ANO10: variants seen among roughly 807,000 people sequenced by gnomAD.
ANO10 encodes anoctamin-10.
ANO10 carries 77 observed loss-of-function variants against 74.7 expected under a neutral mutation model. That is an observed-to-expected ratio of 1.03 (90% CI 0.86 to 1.25). ANO10 has a LOEUF of 1.25. Among genes scored for constraint, ANO10 ranks in the 50% most tolerant of loss-of-function variants. ANO10 has a pLI of 0.00. For missense variants in ANO10, 721 were observed against 778.1 expected (o/e 0.93, Z 0.87); for synonymous variants, 279 against 284.9 (o/e 0.98, Z 0.21).
At chr3:43,439,437 T>C (rs1031319970) in intron 11 of ANO10, among the ~76,000 whole-genome samples, 11 of 149,722 alleles carry the variant, frequency 7.3e-5, no homozygotes, top group African/African-American at 2.7e-4. Flanking sequence ...CACAACAGCA[T>C]AAGAAAAAAT....
chr3:43,585,763 C>T (rs1393376416), intron 4 of ANO10, among the ~76,000 whole-genome samples: 1 of 152,172 alleles, frequency 6.6e-6, no homozygotes, highest in Non-Finnish European at 1.5e-5. Flanking sequence ...CCAGCTGTGT[C>T]TGAAAACATG....
chr3:43,530,825 G>A (rs988711289), intron 11 of ANO10, among the ~76,000 whole-genome samples: 1 of 152,086 alleles, frequency 6.6e-6, no homozygotes, highest in Non-Finnish European at 1.5e-5. Context: ...ATTGCTTCAG[G>A]CATCCACTGG....
chr3:43,432,714 G>A lies in ANO10; in HGVS notation c.1811C>T (p.Ala604Val). Reference sequence around the variant, plus strand: ...GGCAAATGCAAGTATAAACTTTAAAGCCAGGAGTGCGTGCTGAAAACAAGA... The same window carrying A: ...GGCAAATGCAAGTATAAACTTTAAAACCAGGAGTGCGTGCTGAAAACAAGA... The part of the protein sequence containing the change: ...IVVAVEHALL[A>V]LKFILAFAIP... The change falls in exon 12 of 13, where the codon GCT becomes GTT. Residue 604 changes from alanine (A) to valine (V), a missense_variant. By Grantham distance (64) the Ala-to-Val change is moderately conservative. Coordinates refer to ENST00000292246, the MANE Select transcript of ANO10 (RefSeq NM_018075.5). The A allele has an allele frequency of 6.2e-7, 1 of 1,612,498 alleles. No homozygotes were observed. Among genetic ancestry groups the A allele is most frequent in the South Asian group, 1.1e-5 (1 of 91,046 alleles).
In ANO10 at chr3:43,366,730, C is replaced by T; in HGVS notation, c.*176G>A. 1.5e-6 allele frequency: 1 copy of T among 686,540 alleles called. No homozygotes were observed. Among genetic ancestry groups the T allele is most frequent in the Admixed American group, 2.1e-5 (1 of 46,772 alleles). The allele number at this position is 686,540 out of a possible 1,614,324, so 42.5% of individuals were successfully genotyped here. On this transcript the variant is annotated 3_prime_UTR_variant, in exon 13 of 13. Coordinates refer to ENST00000292246, the MANE Select transcript of ANO10 (RefSeq NM_018075.5). ...TGGGGGAACTGCCAAGGATCCCGAG[C>T]CAAGCCACTGCGAAACTGAGAAGGG...
rs577596054 is a variant in ANO10 at position 43,384,127 on chromosome 3, G to A, written c.1915-17153C>T. On this transcript the variant is annotated intron_variant, in intron 12 of 12. Transcript: ENST00000292246. Reference sequence around the variant, plus strand: ...AGTAGCCCTGCTATATACCAACAGCGACCAAGCTGAGAATCAAATCAAGAA... The same window carrying A: ...AGTAGCCCTGCTATATACCAACAGCAACCAAGCTGAGAATCAAATCAAGAA... Among the ~76,000 whole-genome samples, 24 of 151,590 alleles carry A rather than the reference G, an allele frequency of 1.6e-4. No individual in the cohort carries two copies. The East Asian group carries it at 2.1e-3, about 13-fold the overall frequency.
At chr3:43,576,591 A>C (rs2081004282) in intron 6 of ANO10, 101 bp downstream of exon 6, 1 of 1,260,032 alleles carries the variant, frequency 7.9e-7, no homozygotes, top group Non-Finnish European at 1.1e-6. Flanking sequence ...GCCAAGAGCA[A>C]CATCTATTTT....
chr3:43,479,646 A>T (rs2076194081), intron 11 of ANO10, among the ~76,000 whole-genome samples: 2 of 152,216 alleles, frequency 1.3e-5, no homozygotes, highest in Non-Finnish European at 2.9e-5. Flanking sequence ...GTTAAAGTCA[A>T]AGTGTAATAC....
chr3:43,682,687 T>C (rs2084217126), intron 1 of ANO10, among the ~76,000 whole-genome samples: 2 of 152,156 alleles, frequency 1.3e-5, no homozygotes, highest in African/African-American at 4.8e-5. Context: ...CTCAATAAAA[T>C]ACTGGCAAAC....
intron 1 of ANO10, among the ~76,000 whole-genome samples, chr3:43,668,613 A>C (rs2084020169): frequency 6.6e-6 from 1 of 152,070 alleles, no homozygotes; most frequent in Non-Finnish European, 1.5e-5. Context: ...ATACGGTAAT[A>C]GATGGGGATC....
chr3:43,570,723 T>A (rs2080659578), intron 7 of ANO10, among the ~76,000 whole-genome samples: 1 of 143,372 alleles, frequency 7.0e-6, no homozygotes, highest in Non-Finnish European at 1.5e-5. Context: ...CCTAAAACCA[T>A]AAAAACCCTA....
At chr3:43,670,158 G>T (rs2084040695) in intron 1 of ANO10, among the ~76,000 whole-genome samples, 1 of 152,034 alleles carries the variant, frequency 6.6e-6, no homozygotes, top group African/African-American at 2.4e-5. Flanking sequence ...TTCGTGACAA[G>T]CCTGGGCAAC....
chr3:43,553,045 C>T (rs1334404407), intron 10 of ANO10, among the ~76,000 whole-genome samples: 1 of 152,100 alleles, frequency 6.6e-6, no homozygotes, highest in Non-Finnish European at 1.5e-5. Flanking sequence ...CCACCTGCCT[C>T]AGCCTCCCAA....
intron 11 of ANO10, among the ~76,000 whole-genome samples, chr3:43,510,344 T>C (rs1253310109): frequency 6.6e-6 from 1 of 151,474 alleles, no homozygotes; most frequent in African/African-American, 2.4e-5. Flanking sequence ...GGGAGGAGAA[T>C]TGCTTGAACC....
At chr3:43,525,130 G>A (rs1031126871) in intron 11 of ANO10, among the ~76,000 whole-genome samples, 1 of 152,058 alleles carries the variant, frequency 6.6e-6, no homozygotes, top group East Asian at 1.9e-4. Context: ...ACTGCCCAGG[G>A]CTCTTAAGTG....
chr3:43,488,264 G>A (rs2076577751), intron 11 of ANO10, among the ~76,000 whole-genome samples: 1 of 150,994 alleles, frequency 6.6e-6, no homozygotes, highest in Non-Finnish European at 1.5e-5. Context: ...CATGGGCAAG[G>A]ACTTCATGTC....
rs115769245 is a variant in ANO10 at position 43,549,856 on chromosome 3, A to C, written c.1669-8T>G. The C allele has an allele frequency of 8.9e-4, 1,438 of 1,613,638 alleles. 9 individuals carry two copies. In the African/African-American group the frequency reaches 0.017, roughly 20 times the overall value. On this transcript the variant is annotated splice_region_variant and splice_polypyrimidine_tract_variant and intron_variant, in intron 10 of 12. Transcript: ENST00000292246. Reference sequence around the variant, plus strand: ...CATCGTTTCAAAAGCCAACTAAAAGAAAAAAGAATGGAAATTAAAAATTGC... The same window carrying C: ...CATCGTTTCAAAAGCCAACTAAAAGCAAAAAGAATGGAAATTAAAAATTGC...
In ANO10 at chr3:43,600,255, G is replaced by C. The variant is rs556806557; in HGVS notation, c.337+129C>G. The C allele has an allele frequency of 2.9e-6, 3 of 1,039,156 alleles. No homozygotes were observed. In the East Asian group the frequency reaches 7.3e-5, roughly 25 times the overall value. The allele number at this position is 1,039,156 out of a possible 1,614,324, so 64.4% of individuals were successfully genotyped here. A position where few individuals can be genotyped will look rare whatever the true frequency, so the allele number is the denominator to read the frequency against. Reference sequence around the variant, plus strand: ...TGAGTAATTGCAGCAGAGACCACACGGACTGCAAAACCTAAAATATTTACT... The same window carrying C: ...TGAGTAATTGCAGCAGAGACCACACCGACTGCAAAACCTAAAATATTTACT... On this transcript the variant is annotated intron_variant, in intron 3 of 12. Transcript: ENST00000292246.
chr3:43,482,140 G>A (rs2076298005), intron 11 of ANO10, among the ~76,000 whole-genome samples: 5 of 151,874 alleles, frequency 3.3e-5, no homozygotes. Flanking sequence ...GTGTTAGCCA[G>A]GATGGTCTTG....
intron 7 of ANO10, among the ~76,000 whole-genome samples, chr3:43,566,275 G>A (rs1487977888): frequency 6.6e-6 from 1 of 152,354 alleles, no homozygotes; most frequent in East Asian, 1.9e-4. Flanking sequence ...GCCCGCCATT[G>A]CCCAGGCTTG....
Sources: allele counts gnomAD v4.1 joint callset (sites outside exome capture counted in the v4.1 genomes callset), GRCh38; gene constraint gnomAD v4.1.1; transcripts MANE v1.5; gene names NCBI Gene and HGNC (gene_info 2026-07-23, HGNC 2026-07-21).